Variants in TNR observed in about 807,000 individuals in gnomAD.
The protein encoded by TNR is tenascin R, also known as tenascin-R.
Under a neutral mutation model 150.4 loss-of-function variants are expected in TNR, and 45 were observed. The observed-to-expected ratio is 0.30, with a 90% CI of 0.24 to 0.38. The LOEUF is 0.38. Among genes scored for constraint, TNR ranks in the 10% least tolerant of loss-of-function variants. The pLI, the probability that TNR is intolerant of heterozygous loss-of-function variation, is 1.00. For missense variants in TNR, 1,544 were observed against 1,759.1 expected (o/e 0.88, Z 2.19); for synonymous variants, 687 against 678.4 (o/e 1.01, Z -0.20).
At chr1:175,656,242 T>C (rs978514601) in intron 1 of TNR, among the ~76,000 whole-genome samples, 1 of 151,700 alleles carries the variant, frequency 6.6e-6, no homozygotes, top group African/African-American at 2.4e-5. Context: ...AGTTTGCCAA[T>C]CTCTATGCCA....
At chr1:175,466,041 G>C (rs919880377) in intron 2 of TNR, among the ~76,000 whole-genome samples, 2 of 152,148 alleles carry the variant, frequency 1.3e-5, no homozygotes, top group Non-Finnish European at 2.9e-5. Context: ...GTGTGGAATT[G>C]GTCTTTCCTG....
intron 4 of TNR, among the ~76,000 whole-genome samples, chr1:175,401,095 G>A (rs139511960): frequency 2.0e-5 from 3 of 152,276 alleles, no homozygotes; most frequent in African/African-American, 7.2e-5. Context: ...CAGAGGTAAC[G>A]TGCTCATAGT....
At chr1:175,516,289 C>A (rs1272216926) in intron 2 of TNR, among the ~76,000 whole-genome samples, 10 of 152,286 alleles carry the variant, frequency 6.6e-5, no homozygotes, top group Admixed American at 4.6e-4. Flanking sequence ...TAAAGGGGGA[C>A]TCAGTGAACC....
In TNR at chr1:175,517,844, T is replaced by A. The variant is rs1338315853; in HGVS notation, c.-64+10425A>T. Among the ~76,000 whole-genome samples the A allele has an allele frequency of 2.0e-5, 3 of 152,332 alleles. No individual in the cohort carries two copies. In the East Asian group the frequency reaches 5.8e-4, roughly 29 times the overall value. ...TGATGTGGGTCTGGGATCATTTGTC[T>A]GTTTTTAGCTAGTCTACCCACTGTG... is the stretch of plus-strand genomic sequence containing the variant. On this transcript the variant is annotated intron_variant, in intron 2 of 22. Transcript: ENST00000367674.
chr1:175,350,877 C>T, intron 18 of TNR, among the ~76,000 whole-genome samples: 1 of 152,122 alleles, frequency 6.6e-6, no homozygotes, highest in East Asian at 1.9e-4. Flanking sequence ...CAACTTTGGG[C>T]CAAACTTTAA....
rs139367882 is a variant in TNR at position 175,452,920 on chromosome 1, G to A, written c.-63-46143C>T. 2.7e-3 allele frequency among the ~76,000 whole-genome samples: 408 copies of A among 152,278 alleles called. 3 individuals carry two copies. The highest frequency in any genetic ancestry group is 9.4e-3 in the African/African-American group (391 of 41,542). On this transcript the variant is annotated intron_variant, in intron 2 of 22. Transcript: ENST00000367674. ...ACATGCTACAACATGGATGAACCGT[G>A]AAGTCATTATGTGGAGGGAGAGAAG... is the stretch of plus-strand genomic sequence containing the variant.
At chr1:175,573,897 G>T (rs1661988846) in intron 1 of TNR, among the ~76,000 whole-genome samples, 1 of 152,174 alleles carries the variant, frequency 6.6e-6, no homozygotes, top group Admixed American at 6.5e-5. Context: ...TGCTAGAAAA[G>T]CCCACAATAA....
At chr1:175,579,140 C>T (rs1372287331) in intron 1 of TNR, among the ~76,000 whole-genome samples, 3 of 151,956 alleles carry the variant, frequency 2.0e-5, no homozygotes, top group Non-Finnish European at 2.9e-5. Context: ...CCCTCCCTTC[C>T]TCCTATCCTT....
At chr1:175,356,177 G>T in intron 16 of TNR, 142 bp downstream of exon 16, 1 of 1,147,000 alleles carries the variant, frequency 8.7e-7, no homozygotes, top group Non-Finnish European at 1.2e-6. Context: ...CACTGAATTT[G>T]GGCTGTAGTC....
intron 1 of TNR, among the ~76,000 whole-genome samples, chr1:175,548,629 T>C (rs988672533): frequency 2.7e-5 from 4 of 150,286 alleles, no homozygotes; most frequent in African/African-American, 9.8e-5. Flanking sequence ...GGTTACCTGC[T>C]ACTGGCTCTC....
intron 2 of TNR, among the ~76,000 whole-genome samples, chr1:175,504,313 G>A (rs1206983725): frequency 6.6e-6 from 1 of 152,130 alleles, no homozygotes; most frequent in East Asian, 1.9e-4. Context: ...AATACTGCAA[G>A]GTAGGTACCA....
At chr1:175,659,897 A>ATT (rs34472359) in intron 1 of TNR, among the ~76,000 whole-genome samples, 4,601 of 111,692 alleles carry the variant, frequency 0.041, 151 homozygotes, top group African/African-American at 0.08. Flanking sequence ...TTTGGGTGTC[A>ATT]TTTTTTTTTT....
intron 1 of TNR, among the ~76,000 whole-genome samples, chr1:175,576,171 T>C (rs1571627869): frequency 6.6e-6 from 1 of 152,220 alleles, no homozygotes; most frequent in East Asian, 1.9e-4. Flanking sequence ...GCCTGCTGTG[T>C]GCAGCTGCGG....
chr1:175,650,235 T>A (rs186923790), intron 1 of TNR, among the ~76,000 whole-genome samples: 48 of 152,038 alleles, frequency 3.2e-4, no homozygotes, highest in Admixed American at 2.1e-3. Flanking sequence ...ATACAAAAAT[T>A]AGCTGAGTGT....
chr1:175,390,098 G>A (rs932099516), intron 7 of TNR, among the ~76,000 whole-genome samples: 1 of 152,184 alleles, frequency 6.6e-6, no homozygotes, highest in African/African-American at 2.4e-5. Context: ...TAGAACCTTG[G>A]TGCACTAATG....
At chr1:175,573,974 G>A (rs966941983) in intron 1 of TNR, among the ~76,000 whole-genome samples, 2 of 152,218 alleles carry the variant, frequency 1.3e-5, no homozygotes, top group African/African-American at 4.8e-5. Flanking sequence ...CTGCATATGG[G>A]ATGGTTGGCC....
chr1:175,648,406 C>A (rs1349581030), intron 1 of TNR, among the ~76,000 whole-genome samples: 2 of 152,146 alleles, frequency 1.3e-5, no homozygotes, highest in Non-Finnish European at 2.9e-5. Flanking sequence ...CCTCAGGCTA[C>A]CCAGTCAGTT....
Position 175,502,475 on chromosome 1 carries a change from T to C in TNR, c.-64+25794A>G, listed in dbSNP as rs779357943. ...CAAACTCGGGGCTCCTTGCCTCAAA[T>C]TGACACAATTCTGATGGGTCATCCT... On this transcript the variant is annotated intron_variant, in intron 2 of 22. Coordinates refer to ENST00000367674, the MANE Select transcript of TNR (RefSeq NM_003285.3). Among the ~76,000 whole-genome samples the C allele has an allele frequency of 2.6e-5, 4 of 152,120 alleles. No homozygotes were observed. In the East Asian group the frequency reaches 5.8e-4, roughly 22 times the overall value.
chr1:175,443,056 A>G (rs572633678), intron 2 of TNR, among the ~76,000 whole-genome samples: 2 of 152,332 alleles, frequency 1.3e-5, no homozygotes, highest in East Asian at 3.9e-4. Context: ...GCTCAATGGA[A>G]CATTTATCCT....
Sources: allele counts gnomAD v4.1 joint callset (sites outside exome capture counted in the v4.1 genomes callset), GRCh38; gene constraint gnomAD v4.1.1; transcripts MANE v1.5; gene names NCBI Gene and HGNC (gene_info 2026-07-23, HGNC 2026-07-21).